Variants in ARHGAP28 observed in about 807,000 individuals in gnomAD.
ARHGAP28 encodes Rho GTPase activating protein 28.
Under a neutral mutation model 90.7 loss-of-function variants are expected in ARHGAP28, and 56 were observed. The observed-to-expected ratio is 0.62, with a 90% CI of 0.50 to 0.77. The LOEUF (loss-of-function observed/expected upper bound fraction) is 0.77, where lower values mean the gene tolerates loss of function less well. Among genes scored for constraint, ARHGAP28 ranks in the 30% least tolerant of loss-of-function variants. The pLI is 0.00. For missense variants in ARHGAP28, 869 were observed against 900.9 expected, an observed-to-expected ratio of 0.96 and a Z score of 0.45; for synonymous variants, 308 against 323.3, an observed-to-expected ratio of 0.95 and a Z score of 0.51.
At chr18:6,899,194 T>C (rs548838014) in intron 16 of ARHGAP28, among the ~76,000 whole-genome samples, 73 of 152,248 alleles carry the variant, frequency 4.8e-4, no homozygotes, top group Admixed American at 7.8e-4. Context: ...CAGACCCCCG[T>C]GTGTTTAAGT....
At position 6,884,496 on chromosome 18, in the gene ARHGAP28, G is replaced by A. The variant is rs77737218; in HGVS notation, c.1453+2197G>A. 3.7e-3 allele frequency among the ~76,000 whole-genome samples: 566 copies of A among 152,324 alleles called. 4 individuals are homozygous for A. The highest frequency in any genetic ancestry group is 0.013 in the African/African-American group (529 of 41,570). ...ACTTTGTATGTCAAGTAAATTTAAA[G>A]CTTATTCTGAACATTATGAATATAG... On this transcript the variant is annotated intron_variant, in intron 11 of 17. Transcript: ENST00000383472.
intron 11 of ARHGAP28, among the ~76,000 whole-genome samples, chr18:6,883,619 T>C (rs1205012438): frequency 1.3e-5 from 2 of 152,182 alleles, no homozygotes; most frequent in African/African-American, 4.8e-5. Context: ...CTTCTCAGGT[T>C]GGCCAGAACT....
At chr18:6,910,929 C>T (rs1055346524) in intron 17 of ARHGAP28, among the ~76,000 whole-genome samples, 8 of 151,726 alleles carry the variant, frequency 5.3e-5, no homozygotes, top group Non-Finnish European at 7.4e-5. Flanking sequence ...ACTGCAAGCT[C>T]CGCCTCCCGG....
intron 4 of ARHGAP28, among the ~76,000 whole-genome samples, chr18:6,854,218 T>TA (rs1408142192): frequency 2.0e-5 from 3 of 152,104 alleles, no homozygotes; most frequent in Non-Finnish European, 4.4e-5. Flanking sequence ...GACAAACTGT[T>TA]ACACCCTTAG....
chr18:6,746,875 G>A (rs937276518), intron 1 of ARHGAP28, among the ~76,000 whole-genome samples: 22 of 152,244 alleles, frequency 1.4e-4, no homozygotes, highest in African/African-American at 5.3e-4. Flanking sequence ...CCAGGGGTCA[G>A]CCAAGAAAGG....
chr18:6,896,464 A>G, intron 15 of ARHGAP28, 38 bp from the exon 16 acceptor site: 2 of 1,609,468 alleles, frequency 1.2e-6, no homozygotes, highest in Non-Finnish European at 1.7e-6. Flanking sequence ...TATTCATCCT[A>G]GTTTGACAGA....
intron 17 of ARHGAP28, among the ~76,000 whole-genome samples, 151 bp from the exon 18 acceptor site, chr18:6,911,906 TTTG>T (rs953850163): frequency 6.6e-6 from 1 of 151,348 alleles, no homozygotes; most frequent in Non-Finnish European, 1.5e-5. Flanking sequence ...GGAAGAAGAG[TTTG>T]TTAAGAAACC....
intron 12 of ARHGAP28, among the ~76,000 whole-genome samples, chr18:6,887,448 A>G (rs1242296339): frequency 3.8e-5 from 2 of 52,830 alleles, no homozygotes; most frequent in African/African-American, 7.3e-5. Context: ...TTTTTTTTTG[A>G]GAGACAGAGT....
chr18:6,870,976 A>G (rs899572910), intron 7 of ARHGAP28, among the ~76,000 whole-genome samples: 1 of 151,926 alleles, frequency 6.6e-6, no homozygotes, highest in Non-Finnish European at 1.5e-5. Flanking sequence ...AATTTTTTGT[A>G]TTTTTGGTAG....
intron 1 of ARHGAP28, chr18:6,779,151 G>A (rs2056305836): frequency 6.6e-6 from 1 of 152,136 alleles, no homozygotes; most frequent in South Asian, 2.1e-4. Flanking sequence ...CAGAGCCTAG[G>A]CCTTTTCATA....
chr18:6,855,593 G>A (rs1382567026), intron 4 of ARHGAP28, among the ~76,000 whole-genome samples: 1 of 152,212 alleles, frequency 6.6e-6, no homozygotes, highest in Non-Finnish European at 1.5e-5. Flanking sequence ...CCGCCAAATG[G>A]TGGGACTGAA....
intron 1 of ARHGAP28, among the ~76,000 whole-genome samples, chr18:6,757,399 C>T (rs1174507346): frequency 6.6e-6 from 1 of 151,982 alleles, no homozygotes; most frequent in East Asian, 1.9e-4. Flanking sequence ...GGGTCAGAGG[C>T]AGAGATAAAT....
intron 1 of ARHGAP28, among the ~76,000 whole-genome samples, chr18:6,759,507 G>A (rs1181772997): frequency 6.6e-6 from 1 of 152,154 alleles, no homozygotes; most frequent in African/African-American, 2.4e-5. Flanking sequence ...ATAAAATATG[G>A]TTGGTTCGTT....
At chr18:6,822,804 T>C (rs2143758861) in intron 1 of ARHGAP28, among the ~76,000 whole-genome samples, 1 of 152,336 alleles carries the variant, frequency 6.6e-6, no homozygotes, top group Admixed American at 6.5e-5. Context: ...AGATGCGATT[T>C]AGAAATCCAG....
intron 2 of ARHGAP28, among the ~76,000 whole-genome samples, chr18:6,825,675 T>C (rs1320896937): frequency 6.6e-6 from 1 of 152,162 alleles, no homozygotes; most frequent in Non-Finnish European, 1.5e-5. Flanking sequence ...GCTTAGTGTT[T>C]AGTGCCCGCT....
intron 1 of ARHGAP28, among the ~76,000 whole-genome samples, chr18:6,747,957 A>C (rs1275040233): frequency 6.6e-6 from 1 of 152,216 alleles, no homozygotes. Context: ...TTAACTCGAC[A>C]CTAATGAAAC....
At chr18:6,737,788 C>G (rs8091694) in intron 1 of ARHGAP28, among the ~76,000 whole-genome samples, 32,207 of 152,076 alleles carry the variant, frequency 0.21, 3,639 homozygotes, top group South Asian at 0.37. Flanking sequence ...GCATTAGTCT[C>G]TAAAGTGGGA....
In ARHGAP28 at chr18:6,887,138, A is replaced by T. The variant is rs1377533306; in HGVS notation, c.1454-19A>T. ...TCAGGGCTATTTAAAATGTATGACT[A>T]TTTCTGTTTTCTTGTTAGGAGGGCC... On this transcript the variant is annotated intron_variant, in intron 11 of 17. Transcript: ENST00000383472. 1 of 1,607,574 alleles carries T rather than the reference A, an allele frequency of 6.2e-7. No individual in the cohort carries two copies.
intron 1 of ARHGAP28, among the ~76,000 whole-genome samples, chr18:6,740,350 CT>C (rs2055966121): frequency 6.6e-6 from 1 of 152,160 alleles, no homozygotes; most frequent in Non-Finnish European, 1.5e-5. Context: ...AAAATTTAGG[CT>C]GTGGAAACTC....
Sources: allele counts gnomAD v4.1 joint callset (sites outside exome capture counted in the v4.1 genomes callset), GRCh38; gene constraint gnomAD v4.1.1; transcripts MANE v1.5; gene names NCBI Gene and HGNC (gene_info 2026-07-23, HGNC 2026-07-21).